Variants in RIMS1 observed in about 807,000 individuals in gnomAD.
RIMS1 encodes the protein regulating synaptic membrane exocytosis 1.
A neutral mutation model predicts 214.1 loss-of-function variants in RIMS1; 83 were observed. The observed-to-expected ratio is 0.39, with a 90% CI of 0.32 to 0.47. RIMS1 has a LOEUF of 0.47. Among genes scored for constraint, RIMS1 ranks in the 20% least tolerant of loss-of-function variants. RIMS1 has a pLI of 0.99. For missense variants in RIMS1, 2,050 were observed against 2,161.8 expected (o/e 0.95, Z 1.03); for synonymous variants, 793 against 786.8 (o/e 1.01, Z -0.13).
intron 1 of RIMS1, among the ~76,000 whole-genome samples, chr6:71,954,854 A>ACG (rs1790710826): frequency 7.1e-6 from 1 of 140,792 alleles, no homozygotes; most frequent in African/African-American, 2.8e-5. Context: ...CAGCACACAC[A>ACG]CACACACACA....
At chr6:72,148,316 G>C (rs2043021253) in intron 4 of RIMS1, among the ~76,000 whole-genome samples, 3 of 152,074 alleles carry the variant, frequency 2.0e-5, no homozygotes, top group Admixed American at 2.0e-4. Flanking sequence ...TAACCATCTG[G>C]AAAAAGGAGG....
chr6:72,023,691 G>A (rs1815431174), intron 2 of RIMS1, among the ~76,000 whole-genome samples: 1 of 151,988 alleles, frequency 6.6e-6, no homozygotes, highest in African/African-American at 2.4e-5. Flanking sequence ...ATTTGGATTA[G>A]ACAGAATTGT....
intron 1 of RIMS1, among the ~76,000 whole-genome samples, chr6:71,897,371 G>A (rs896117343): frequency 2.6e-5 from 4 of 152,010 alleles, no homozygotes; most frequent in Admixed American, 1.3e-4. Flanking sequence ...CATAAAACCC[G>A]CTTGCTTTCA....
chr6:72,266,132 T>A, intron 22 of RIMS1, 83 bp downstream of exon 22: 1 of 954,788 alleles, frequency 1.0e-6, no homozygotes, highest in East Asian at 2.6e-5. Context: ...CATGACAGCC[T>A]TACAGGTTTA....
intron 4 of RIMS1, among the ~76,000 whole-genome samples, chr6:72,111,795 C>G (rs893151180): frequency 6.6e-6 from 1 of 152,124 alleles, no homozygotes; most frequent in African/African-American, 2.4e-5. Flanking sequence ...TCTAGCATTC[C>G]TAGTCTGCAT....
chr6:71,978,155 T>A (rs1797623052), intron 2 of RIMS1, among the ~76,000 whole-genome samples: 1 of 152,144 alleles, frequency 6.6e-6, no homozygotes, highest in Non-Finnish European at 1.5e-5. Context: ...ATGTCTAATC[T>A]CTAATATGCT....
intron 1 of RIMS1, among the ~76,000 whole-genome samples, chr6:71,950,747 G>T (rs543517654): frequency 6.6e-6 from 1 of 151,866 alleles, no homozygotes; most frequent in African/African-American, 2.4e-5. Flanking sequence ...ATTTTTTTCC[G>T]ACTGAGGCAG....
intron 2 of RIMS1, among the ~76,000 whole-genome samples, chr6:72,081,952 C>T (rs768868315): frequency 4.6e-5 from 7 of 152,120 alleles, no homozygotes; most frequent in Non-Finnish European, 8.8e-5. Context: ...AAGAAAATTA[C>T]ATCTTGTCAC....
intron 2 of RIMS1, among the ~76,000 whole-genome samples, chr6:72,053,067 G>A (rs971190749): frequency 2.6e-5 from 4 of 152,038 alleles, no homozygotes; most frequent in Admixed American, 6.6e-5. Flanking sequence ...GTTTAATTAC[G>A]TCCCAGAACC....
At chr6:71,987,483 C>T (rs575262083) in intron 2 of RIMS1, among the ~76,000 whole-genome samples, 6 of 152,308 alleles carry the variant, frequency 3.9e-5, no homozygotes, top group African/African-American at 1.4e-4. Flanking sequence ...TGCCTCATGA[C>T]TTAACTCTCA....
chr6:72,130,074 G>T (rs1259047466), intron 4 of RIMS1, among the ~76,000 whole-genome samples: 1 of 151,972 alleles, frequency 6.6e-6, no homozygotes, highest in Non-Finnish European at 1.5e-5. Flanking sequence ...AATCTCAACC[G>T]ATTTTGTTTC....
At chr6:72,022,051 G>T (rs906714739) in intron 2 of RIMS1, among the ~76,000 whole-genome samples, 1 of 152,272 alleles carries the variant, frequency 6.6e-6, no homozygotes, top group South Asian at 2.1e-4. Context: ...AAGAGAGAAA[G>T]AATGGATATT....
chr6:72,012,930 G>T (rs1811339141), intron 2 of RIMS1, among the ~76,000 whole-genome samples: 1 of 152,128 alleles, frequency 6.6e-6, no homozygotes. Context: ...AGGGTTATTT[G>T]GTCTTAGAGC....
chr6:71,920,659 A>G (rs1171116001), intron 1 of RIMS1, among the ~76,000 whole-genome samples: 1 of 152,196 alleles, frequency 6.6e-6, no homozygotes, highest in African/African-American at 2.4e-5. Context: ...CTGAGACTAA[A>G]TAACACTATC....
chr6:72,036,793 A>G (rs552929686), intron 2 of RIMS1, among the ~76,000 whole-genome samples: 1 of 152,312 alleles, frequency 6.6e-6, no homozygotes, highest in South Asian at 2.1e-4. Flanking sequence ...GAAGCCATCT[A>G]AAGTGCAGAG....
intron 4 of RIMS1, among the ~76,000 whole-genome samples, chr6:72,128,120 T>G (rs2039882700): frequency 6.6e-6 from 1 of 152,170 alleles, no homozygotes; most frequent in Non-Finnish European, 1.5e-5. Context: ...TAGACTACTC[T>G]TCCTCACAAA....
chr6:71,918,883 C>CT (rs548212720), intron 1 of RIMS1, among the ~76,000 whole-genome samples: 26 of 152,048 alleles, frequency 1.7e-4, no homozygotes, highest in Admixed American at 2.6e-4. Flanking sequence ...TAGCATCCTT[C>CT]TATCTGACTA....
chr6:72,306,284 A>G (rs2095157130), intron 26 of RIMS1, among the ~76,000 whole-genome samples: 1 of 151,916 alleles, frequency 6.6e-6, no homozygotes, highest in South Asian at 2.1e-4. Flanking sequence ...CCTACAACTT[A>G]AAAATCTGAA....
At chr6:72,280,622 T>G (rs1156276168) in intron 23 of RIMS1, among the ~76,000 whole-genome samples, 2 of 151,998 alleles carry the variant, frequency 1.3e-5, no homozygotes, top group African/African-American at 4.8e-5. Context: ...GAATCTTTAA[T>G]GGAGGTAAAT....
Sources: allele counts gnomAD v4.1 joint callset (sites outside exome capture counted in the v4.1 genomes callset), GRCh38; gene constraint gnomAD v4.1.1; transcripts MANE v1.5; gene names NCBI Gene and HGNC (gene_info 2026-07-23, HGNC 2026-07-21).